Variants in ZCCHC7 observed in about 807,000 individuals in gnomAD.
The protein encoded by ZCCHC7 is zinc finger CCHC-type containing 7, also known as zinc finger CCHC domain-containing protein 7.
In ZCCHC7, 35 loss-of-function variants were observed where a neutral mutation model predicts 52.0. The observed-to-expected ratio is 0.67, with a 90% confidence interval of 0.51 to 0.89. The LOEUF (loss-of-function observed/expected upper bound fraction) is 0.89, where lower values mean the gene tolerates loss of function less well. ZCCHC7 is among the 40% of genes least tolerant of loss of function. The pLI, the probability that ZCCHC7 is intolerant of heterozygous loss-of-function variation, is 0.00. For synonymous variants in ZCCHC7, 217 were observed against 221.5 expected (o/e 0.98, Z 0.18); for missense variants, 574 against 649.1 (o/e 0.88, Z 1.26).
At position 37,322,790 on chromosome 9, in the gene ZCCHC7, A is replaced by G. The variant is rs368555028; in HGVS notation, c.952-5009A>G. 2.6e-5 allele frequency among the ~76,000 whole-genome samples: 4 copies of G among 151,998 alleles called. 1 individual carries two copies. The East Asian group carries it at 7.7e-4, about 29-fold the overall frequency. ...TTTTTCCTCTATTATGTCTTTATCA[A>G]CAGGTCACCTAAACTGAGTTTCTTC... On this transcript the variant is annotated intron_variant, in intron 5 of 8. Transcript: ENST00000336755.
intron 2 of ZCCHC7, among the ~76,000 whole-genome samples, chr9:37,257,984 G>A (rs1826670641): frequency 1.3e-5 from 2 of 152,132 alleles, no homozygotes; most frequent in Admixed American, 1.3e-4. Context: ...GGTATAGCTG[G>A]TCCTAAAATT....
At chr9:37,253,741 C>G (rs1826441301) in intron 2 of ZCCHC7, among the ~76,000 whole-genome samples, 1 of 151,872 alleles carries the variant, frequency 6.6e-6, no homozygotes. Flanking sequence ...CACATGTCAT[C>G]ACAACATAGA....
At chr9:37,248,330 G>A (rs1161856376) in intron 2 of ZCCHC7, among the ~76,000 whole-genome samples, 2 of 152,150 alleles carry the variant, frequency 1.3e-5, no homozygotes, top group Non-Finnish European at 2.9e-5. Flanking sequence ...GCTTCTAGAT[G>A]TGCAATCTGT....
chr9:37,338,251 C>A (rs1047712438), intron 6 of ZCCHC7, among the ~76,000 whole-genome samples: 1 of 151,996 alleles, frequency 6.6e-6, no homozygotes, highest in African/African-American at 2.4e-5. Context: ...TTATAAAACT[C>A]GTGCTTCTTT....
rs2118732425 is a variant in ZCCHC7 at position 37,357,195 on chromosome 9, A to G, written c.1559A>G (p.Lys520Arg). ...GAAGGCAAGAGGGGCAAGCAGAAGA[A>G]AAAGGAGAGGTGCTGGGAAGATGAT... ...PKEGKRGKQK[K>R]KERCWEDDDN... The change falls in exon 9 of 9, where the codon AAA (lysine) becomes AGA (arginine). Residue 520 changes from lysine (K) to arginine (R), a missense_variant. Lys to Arg is a conservative substitution (Grantham distance 26). This residue lies in a region of ZCCHC7 where 168 missense variants were observed against 171.6 expected (regional missense o/e 0.98). Coordinates refer to ENST00000336755, the MANE Select transcript of ZCCHC7 (RefSeq NM_032226.3). The G allele has an allele frequency of 6.2e-7, 1 of 1,613,604 alleles. No homozygotes were observed. Among genetic ancestry groups the G allele is most frequent in the East Asian group, 2.2e-5 (1 of 44,846 alleles).
chr9:37,277,871 T>C (rs536321477), intron 2 of ZCCHC7, among the ~76,000 whole-genome samples: 37 of 152,150 alleles, frequency 2.4e-4, no homozygotes, highest in African/African-American at 7.9e-4. Flanking sequence ...ATTCACAAGA[T>C]GTAGAATACA....
chr9:37,244,020 T>G (rs1466346436), intron 2 of ZCCHC7, among the ~76,000 whole-genome samples: 1 of 151,874 alleles, frequency 6.6e-6, no homozygotes, highest in Admixed American at 6.6e-5. Flanking sequence ...TTCACTTCAT[T>G]AAACAATAAG....
chr9:37,346,331 A>G (rs1422778263), intron 6 of ZCCHC7, among the ~76,000 whole-genome samples: 1 of 152,052 alleles, frequency 6.6e-6, no homozygotes, highest in Admixed American at 6.6e-5. Context: ...CCTATTTATT[A>G]TTTTCCTATA....
chr9:37,230,107 G>C (rs1825324327), intron 2 of ZCCHC7, among the ~76,000 whole-genome samples: 1 of 152,110 alleles, frequency 6.6e-6, no homozygotes, highest in Non-Finnish European at 1.5e-5. Context: ...TGGTAAAAAT[G>C]ACTTCTGGAA....
chr9:37,322,312 G>C (rs528237671), intron 5 of ZCCHC7: 11 of 152,176 alleles, frequency 7.2e-5, no homozygotes, highest in African/African-American at 2.6e-4. Flanking sequence ...GTCAGTTGCA[G>C]ATCGAACTCC....
At chr9:37,314,315 T>C (rs1436023584) in intron 5 of ZCCHC7, among the ~76,000 whole-genome samples, 2 of 152,156 alleles carry the variant, frequency 1.3e-5, no homozygotes, top group African/African-American at 2.4e-5. Flanking sequence ...CACTGAGGAA[T>C]GGACTGACTT....
Position 37,230,889 on chromosome 9 carries a change from CTT to C in ZCCHC7, c.611-71292_611-71291del, listed in dbSNP as rs1011120860. ...TTAGTCATATTTAAATTACTCTAGACTTTTTTTTACACCACTTACAAACGTCC... is the reference window on the plus strand; with the variant it reads ...TTAGTCATATTTAAATTACTCTAGACTTTTTTACACCACTTACAAACGTCC... On this transcript the variant is annotated intron_variant, in intron 2 of 8. Coordinates refer to ENST00000336755, the MANE Select transcript of ZCCHC7 (RefSeq NM_032226.3). Among the ~76,000 whole-genome samples the C allele has an allele frequency of 5.3e-5, 8 of 151,886 alleles. No individual in the cohort carries two copies. The East Asian group carries it at 1.4e-3, about 26-fold the overall frequency.
chr9:37,184,996 C>T (rs1217373846), intron 2 of ZCCHC7, among the ~76,000 whole-genome samples: 1 of 151,982 alleles, frequency 6.6e-6, no homozygotes, highest in Admixed American at 6.6e-5. Context: ...CTTAGATTTC[C>T]ACCTACCTGA....
intron 2 of ZCCHC7, among the ~76,000 whole-genome samples, chr9:37,246,432 A>C (rs1826084144): frequency 6.6e-6 from 1 of 152,098 alleles, no homozygotes; most frequent in Admixed American, 6.6e-5. Flanking sequence ...TATGATAATG[A>C]TTTTGTTACC....
At chr9:37,331,450 C>G (rs1194436686) in intron 6 of ZCCHC7, among the ~76,000 whole-genome samples, 1 of 151,514 alleles carries the variant, frequency 6.6e-6, no homozygotes, top group Non-Finnish European at 1.5e-5. Flanking sequence ...ATGTTATTCT[C>G]TAAAGCATTC....
intron 2 of ZCCHC7, among the ~76,000 whole-genome samples, chr9:37,142,749 A>C (rs1049182092): frequency 2.0e-5 from 3 of 151,736 alleles, no homozygotes; most frequent in Non-Finnish European, 4.4e-5. Flanking sequence ...GTATTTTAAA[A>C]GGTGTATTGT....
At chr9:37,133,506 G>T in intron 2 of ZCCHC7, among the ~76,000 whole-genome samples, 1 of 151,626 alleles carries the variant, frequency 6.6e-6, no homozygotes, top group East Asian at 1.9e-4. Context: ...TTCCTGAATA[G>T]CTGCGAATGC....
intron 2 of ZCCHC7, among the ~76,000 whole-genome samples, chr9:37,279,291 G>A (rs1242195949): frequency 1.3e-5 from 2 of 151,698 alleles, no homozygotes; most frequent in Non-Finnish European, 2.9e-5. Flanking sequence ...GGGATGGGCA[G>A]GTAAATAGAA....
At chr9:37,267,575 T>C (rs1393002803) in intron 2 of ZCCHC7, among the ~76,000 whole-genome samples, 1 of 144,660 alleles carries the variant, frequency 6.9e-6, no homozygotes, top group African/African-American at 2.6e-5. Flanking sequence ...TCTTTTTTTT[T>C]TTTTTTTTTT....
Sources: allele counts gnomAD v4.1 joint callset (sites outside exome capture counted in the v4.1 genomes callset), GRCh38; gene constraint gnomAD v4.1.1; regional missense constraint gnomAD v4.1.1; transcripts MANE v1.5; gene names NCBI Gene and HGNC (gene_info 2026-07-23, HGNC 2026-07-21).